The following SF3A1 variants were observed in gnomAD, a reference collection of about 807,000 sequenced individuals.
SF3A1 encodes splicing factor 3a subunit 1.
A neutral mutation model predicts 89.9 loss-of-function variants in SF3A1; 13 were observed. That is an observed-to-expected ratio of 0.14 (90% confidence interval 0.09 to 0.23). The LOEUF is 0.23. Ranked by LOEUF, SF3A1 falls within the 10% of genes least tolerant of loss-of-function variation. The probability of loss-of-function intolerance (pLI) is 1.00; values close to 1 mark genes in which losing one functional copy is unlikely to be tolerated. For missense variants in SF3A1, 604 were observed against 1,022.1 expected, an observed-to-expected ratio of 0.59 and a Z score of 5.58; for synonymous variants, 405 against 374.4, an observed-to-expected ratio of 1.08 and a Z score of -0.94.
chr22:30,354,038 TG>T (rs1931683556), intron 1 of SF3A1, among the ~76,000 whole-genome samples: 1 of 152,260 alleles, frequency 6.6e-6, no homozygotes, highest in African/African-American at 2.4e-5. Flanking sequence ...TCTACTCCAC[TG>T]TCTTAACCAA....
chr22:30,340,206 C>T lies in SF3A1; in HGVS notation c.1365G>A (p.Val455=). The T allele has an allele frequency of 6.4e-7, 1 of 1,565,652 alleles. No homozygotes were observed. Among genetic ancestry groups the T allele is most frequent in the Non-Finnish European group, 8.6e-7 (1 of 1,157,942 alleles). The part of the protein sequence containing the change: ...SIREKQSDDE[V]YAPGLDIESS... Reference sequence around the variant, plus strand: ...GAACCCCCACCTCACCTGGTGCGTACACCTCATCATCGCTCTGCTTCTCAC... The same window carrying T: ...GAACCCCCACCTCACCTGGTGCGTATACCTCATCATCGCTCTGCTTCTCAC... The change falls in exon 9 of 16, where the codon GTG becomes GTA. Residue 455 remains valine, a synonymous_variant. Transcript: ENST00000215793.
chr22:30,352,400 C>T (rs1276010698), intron 2 of SF3A1: 2 of 152,886 alleles, frequency 1.3e-5, no homozygotes, highest in Non-Finnish European at 2.9e-5. Context: ...TCTGAGGTGG[C>T]GGCTAGCACC....
At chr22:30,341,657 A>G (rs963748433) in intron 7 of SF3A1, 35 bp downstream of exon 7, 1 of 1,582,964 alleles carries the variant, frequency 6.3e-7, no homozygotes, top group African/African-American at 1.3e-5. Context: ...GCTTCAGGGG[A>G]AAAGGTCATC....
chr22:30,340,100 T>C (rs1931201251), intron 9 of SF3A1, 96 bp downstream of exon 9: 4 of 1,149,238 alleles, frequency 3.5e-6, no homozygotes, highest in Non-Finnish European at 3.5e-6. Flanking sequence ...CCTCAAAAGC[T>C]TTTGTTGACC....
At position 30,334,363 on chromosome 22, in the gene SF3A1, C is replaced by T; in HGVS notation, c.*231G>A. The T allele has an allele frequency of 2.4e-6, 1 of 413,720 alleles. No homozygotes were observed. The highest frequency in any genetic ancestry group is 3.7e-5 in the South Asian group (1 of 26,896). 25.6% of individuals were successfully genotyped at this position (413,720 alleles called of 1,614,324 possible). The stretch of plus-strand genomic sequence containing the variant: ...AAATGAATGTCCTCAAATCGAGACC[C>T]TAACACAAAGAGATTCCAGAGAGTG... On this transcript the variant is annotated 3_prime_UTR_variant, in exon 16 of 16. Coordinates refer to ENST00000215793, the MANE Select transcript of SF3A1 (RefSeq NM_005877.6).
intron 6 of SF3A1, 127 bp downstream of exon 6, chr22:30,342,073 C>T: frequency 1.6e-6 from 2 of 1,256,138 alleles, no homozygotes; most frequent in South Asian, 2.5e-5. Flanking sequence ...CTTTTGGGAG[C>T]AGGGAGGAGA....
intron 9 of SF3A1, among the ~76,000 whole-genome samples, chr22:30,339,769 CATAA>C (rs1569171078): frequency 1.3e-5 from 2 of 152,140 alleles, no homozygotes; most frequent in Non-Finnish European, 2.9e-5. Flanking sequence ...AAATAAAACA[CATAA>C]ATAAATAAGA....
intron 1 of SF3A1, among the ~76,000 whole-genome samples, chr22:30,353,404 G>C (rs1931659875): frequency 6.6e-6 from 1 of 152,110 alleles, no homozygotes; most frequent in Non-Finnish European, 1.5e-5. Context: ...CTTTTCCCTA[G>C]TTTATAAGAC....
chr22:30,340,279 A>G lies in SF3A1; in HGVS notation c.1292T>C (p.Ile431Thr). ...PASKMQEHMR[I>T]GLLDPRWLEQ... ...CAGCCAGCGAGGGTCAAGAAGTCCAATGCGCATGTGTTCCTGCATTTTGCT... is the reference window on the plus strand; with the variant it reads ...CAGCCAGCGAGGGTCAAGAAGTCCAGTGCGCATGTGTTCCTGCATTTTGCT... The change falls in exon 9 of 16, where the codon ATT (isoleucine) becomes ACT (threonine). Residue 431 changes from isoleucine (I) to threonine (T), a missense_variant. Ile to Thr is a moderately conservative substitution (Grantham distance 89, BLOSUM62 -1). Coordinates refer to ENST00000215793, the MANE Select transcript of SF3A1 (RefSeq NM_005877.6). 6.2e-7 allele frequency: 1 copy of G among 1,613,292 alleles called. No homozygotes were observed. The highest frequency in any genetic ancestry group is 8.5e-7 in the Non-Finnish European group (1 of 1,179,748).
In SF3A1 at chr22:30,337,675, G is replaced by C. The variant is rs757538397; in HGVS notation, c.1951+15C>G. ...CTGAACTAATGGCCTGGAAAATGAT[G>C]CAAGAGATACTGACCTGTTGGCACA... On this transcript the variant is annotated intron_variant, in intron 12 of 15. Transcript: ENST00000215793. 307 of 951,794 alleles carry C rather than the reference G, an allele frequency of 3.2e-4. 1 individual carries two copies. Among genetic ancestry groups the C allele is most frequent in the Non-Finnish European group, 4.5e-4 (293 of 656,638 alleles). 59.0% of individuals were successfully genotyped at this position (951,794 alleles called of 1,614,324 possible).
intron 2 of SF3A1, among the ~76,000 whole-genome samples, chr22:30,352,081 A>C (rs558280437): frequency 2.7e-5 from 4 of 148,200 alleles, no homozygotes; most frequent in African/African-American, 1.0e-4. Context: ...AGACAGGAGG[A>C]ACCCGGAGCA....
At chr22:30,356,346 G>A (rs1931839058) in intron 1 of SF3A1, among the ~76,000 whole-genome samples, 1 of 152,200 alleles carries the variant, frequency 6.6e-6, no homozygotes, top group Admixed American at 6.5e-5. Flanking sequence ...AGCCATTACT[G>A]GGGAAAGGCT....
In SF3A1 at chr22:30,356,775, C is replaced by T. The variant is rs773841865; in HGVS notation, c.18G>A (p.Val6=). 302 of 1,455,516 alleles carry T rather than the reference C, an allele frequency of 2.1e-4. No homozygotes were observed. The highest frequency in any genetic ancestry group is 2.6e-4 in the Non-Finnish European group (280 of 1,097,446). 90.2% of individuals were successfully genotyped at this position (1,455,516 alleles called of 1,614,324 possible). The change falls in exon 1 of 16, where the codon GTG becomes GTA. Residue 6 remains valine (V), a synonymous_variant. Transcript: ENST00000215793. ...CGGGCGGCGGCGGGGGCACCGCCTG[C>T]ACGGGTCCGGCCGGCATGACTGCGA... The part of the protein sequence containing the change: MPAGP[V]QAVPPPPPVP...
At chr22:30,340,621 C>G in intron 8 of SF3A1, 74 bp downstream of exon 8, 3 of 965,402 alleles carry the variant, frequency 3.1e-6, no homozygotes, top group Non-Finnish European at 1.6e-6. Flanking sequence ...CCTAGAAAGA[C>G]GGGTGTGAGG....
intron 11 of SF3A1, 88 bp downstream of exon 11, chr22:30,338,701 A>G: frequency 6.4e-7 from 1 of 1,556,724 alleles, no homozygotes; most frequent in East Asian, 2.2e-5. Context: ...AGGCCCCACT[A>G]AAAGGCAGCT....
chr22:30,350,407 A>G (rs1231496166), intron 2 of SF3A1, among the ~76,000 whole-genome samples: 1 of 152,026 alleles, frequency 6.6e-6, no homozygotes, highest in Non-Finnish European at 1.5e-5. Flanking sequence ...ACTTGAGCCC[A>G]GGAGTTCAAG....
intron 2 of SF3A1, among the ~76,000 whole-genome samples, chr22:30,346,907 T>G (rs564595540): frequency 1.3e-5 from 2 of 152,258 alleles, no homozygotes; most frequent in Admixed American, 1.3e-4. Context: ...CAAAAGGTAG[T>G]CAAAAGTGAA....
intron 1 of SF3A1, 156 bp downstream of exon 1, chr22:30,356,574 G>A (rs1306651002): frequency 5.5e-6 from 3 of 542,064 alleles, no homozygotes; most frequent in East Asian, 7.0e-5. Flanking sequence ...GGCTCATTTC[G>A]CTACCAGAAC....
chr22:30,344,423 A>G (rs955830459), intron 4 of SF3A1, among the ~76,000 whole-genome samples: 2 of 152,250 alleles, frequency 1.3e-5, no homozygotes, highest in African/African-American at 4.8e-5. Flanking sequence ...CTGAAGAACC[A>G]AAGTTTTAGG....
Sources: allele counts gnomAD v4.1 joint callset (sites outside exome capture counted in the v4.1 genomes callset), GRCh38; gene constraint gnomAD v4.1.1; transcripts MANE v1.5; gene names NCBI Gene and HGNC (gene_info 2026-07-23, HGNC 2026-07-21).